The following PCDHGA4 variants were observed in gnomAD, a reference collection of about 807,000 sequenced individuals.
PCDHGA4 encodes the protein protocadherin gamma subfamily A, 4, also known as protocadherin gamma-A4.
PCDHGA4 carries 38 observed loss-of-function variants against 54.6 expected under a neutral mutation model. The ratio of observed to expected loss-of-function variants is 0.70; its 90% CI spans 0.54 to 0.91. The LOEUF is 0.91. PCDHGA4 is among the 40% of genes least tolerant of loss of function. PCDHGA4 has a pLI of 0.00. For missense variants in PCDHGA4, 1,298 were observed against 1,220.9 expected (o/e 1.06, Z -0.94); for synonymous variants, 511 against 512.9 (o/e 1.00, Z 0.05).
chr5:141,478,164 C>T, intron 1 of PCDHGA4: 1 of 1,614,010 alleles, frequency 6.2e-7, no homozygotes, highest in Non-Finnish European at 8.5e-7. Context: ...GGCTCTGCCC[C>T]CCGGGAGCAG....
intron 1 of PCDHGA4, chr5:141,468,381 G>A (rs1297428363): frequency 2.0e-5 from 3 of 149,754 alleles, no homozygotes; most frequent in South Asian, 2.1e-4. Flanking sequence ...AGCCATACAA[G>A]GCTACCCATT....
At position 141,432,395 on chromosome 5, in the gene PCDHGA4, G is replaced by T. The variant is rs748660079; in HGVS notation, c.2515-62412G>T. On this transcript the variant is annotated intron_variant, in intron 1 of 3. Coordinates refer to ENST00000571252, the MANE Select transcript of PCDHGA4 (RefSeq NM_018917.4). This position sits in a 1 kb window ranked among gnomAD's most constrained non-coding sequence, Gnocchi z 6.0. ...CGGGCACCCGCCCCTCAGCAGCAAC[G>T]TGTCGTTGAGCCTGTTCGTGCTGGA... 5 of 1,614,242 alleles carry T rather than the reference G, an allele frequency of 3.1e-6. No individual in the cohort carries two copies. In the East Asian group the frequency reaches 8.9e-5, roughly 29 times the overall value.
intron 1 of PCDHGA4, chr5:141,393,436 A>G: frequency 1.2e-6 from 2 of 1,614,028 alleles, no homozygotes; most frequent in Middle Eastern, 1.6e-4. Flanking sequence ...GAGGCTGCTC[A>G]CCACCTGGTC....
chr5:141,451,148 G>A (rs536843411), intron 1 of PCDHGA4, among the ~76,000 whole-genome samples: 2 of 152,154 alleles, frequency 1.3e-5, no homozygotes, highest in East Asian at 3.9e-4. Flanking sequence ...ATTTAGACTA[G>A]ACATTTTTTT....
At chr5:141,423,757 G>C (rs562479446) in intron 1 of PCDHGA4, 29 of 395,138 alleles carry the variant, frequency 7.3e-5, no homozygotes, top group African/African-American at 6.1e-4. Flanking sequence ...GTTTGGGGGG[G>C]GGGTGGGGCG....
intron 1 of PCDHGA4, chr5:141,389,158 G>A (rs774342496): frequency 5.0e-6 from 8 of 1,613,850 alleles, no homozygotes; most frequent in African/African-American, 2.7e-5. Context: ...GCAACAGATC[G>A]GGGCAAGCCT....
rs769082126 is a variant in PCDHGA4 at position 141,357,435 on chromosome 5, G to C, written c.2328G>C (p.Gly776=). Residue 776 remains glycine, a synonymous_variant, in exon 1 of 4, where the codon GGG becomes GGC. Coordinates refer to ENST00000571252, the MANE Select transcript of PCDHGA4 (RefSeq NM_018917.4). ...VPASHFVGVD[G]VRAFLQTYSH... is the part of the protein sequence containing the mutation. ...CCTCGCACTTTGTGGGCGTGGACGGGGTTCGGGCTTTCCTGCAGACCTATT... is the reference window on the plus strand; with the variant it reads ...CCTCGCACTTTGTGGGCGTGGACGGCGTTCGGGCTTTCCTGCAGACCTATT... The C allele has an allele frequency of 5.0e-6, 8 of 1,614,086 alleles. No homozygotes were observed. Among genetic ancestry groups the C allele is most frequent in the East Asian group, 4.5e-5 (2 of 44,886 alleles).
At chr5:141,409,571 T>A in intron 1 of PCDHGA4, 2 of 1,613,932 alleles carry the variant, frequency 1.2e-6, no homozygotes, top group Non-Finnish European at 1.7e-6. Context: ...CCAGACGTCC[T>A]ACGTGGTCCA....
intron 1 of PCDHGA4, chr5:141,424,728 G>A (rs907091181): frequency 1.3e-5 from 2 of 152,102 alleles, no homozygotes; most frequent in African/African-American, 2.4e-5. Flanking sequence ...GGGAGTCATA[G>A]ATTCCTTCTT....
chr5:141,364,999 C>A, intron 1 of PCDHGA4: 1 of 1,613,864 alleles, frequency 6.2e-7, no homozygotes, highest in South Asian at 1.1e-5. Context: ...CGGTACTCTC[C>A]GGCACCACGC....
At chr5:141,366,357 G>T in intron 1 of PCDHGA4, 1 of 1,614,020 alleles carries the variant, frequency 6.2e-7, no homozygotes, top group South Asian at 1.1e-5. Context: ...GCTGACCTAG[G>T]CAGTATCAAG....
intron 1 of PCDHGA4, chr5:141,418,973 C>T: frequency 3.1e-6 from 5 of 1,613,916 alleles, no homozygotes; most frequent in Non-Finnish European, 3.4e-6. Context: ...CTTCAAAACA[C>T]GGGACCAAGA....
intron 1 of PCDHGA4, chr5:141,411,225 GC>G (rs1253575140): frequency 1.3e-5 from 2 of 152,092 alleles, no homozygotes; most frequent in African/African-American, 4.8e-5. Flanking sequence ...ATTCAAATTT[GC>G]GAAGACTTAG....
chr5:141,391,331 G>A (rs75432065), intron 1 of PCDHGA4: 5 of 95,914 alleles, frequency 5.2e-5, no homozygotes, highest in Non-Finnish European at 6.3e-5. Context: ...TTTTTTTTTT[G>A]AGACAGAGTC....
At chr5:141,364,587 C>T in intron 1 of PCDHGA4, 3 of 1,614,204 alleles carry the variant, frequency 1.9e-6, no homozygotes, top group Non-Finnish European at 2.5e-6. Flanking sequence ...AGCTTGGTCA[C>T]CGCGGGCAGG....
intron 1 of PCDHGA4, chr5:141,413,978 T>C (rs2095697435): frequency 1.2e-6 from 2 of 1,613,414 alleles, no homozygotes; most frequent in Non-Finnish European, 8.5e-7. Flanking sequence ...CTGCTGACAG[T>C]CACAGCCACC....
chr5:141,365,365 C>T (rs761258930), intron 1 of PCDHGA4: 23 of 1,613,810 alleles, frequency 1.4e-5, no homozygotes, highest in Non-Finnish European at 1.9e-5. Context: ...ACAATGCCCC[C>T]GAAGTGATCC....
At chr5:141,415,476 G>A (rs765634887) in intron 1 of PCDHGA4, 1 of 1,614,076 alleles carries the variant, frequency 6.2e-7, no homozygotes. Context: ...CCGCGGACTC[G>A]CGAAAGAGTC....
chr5:141,505,053 T>C (rs904041070), intron 2 of PCDHGA4, among the ~76,000 whole-genome samples: 2 of 152,108 alleles, frequency 1.3e-5, no homozygotes, highest in African/African-American at 4.8e-5. Context: ...TCCCAGCTAC[T>C]TGGGAGACTG....
Sources: gnomAD v4.1 joint callset for allele counts (sites outside exome capture counted in the v4.1 genomes callset) on GRCh38, gnomAD v4.1.1 for gene constraint, Gnocchi (gnomAD v3.1) non-coding constraint, MANE v1.5 for transcripts, NCBI Gene and HGNC (gene_info 2026-07-23, HGNC 2026-07-21) for gene names.